The following TMEM178B variants were observed in gnomAD, a reference collection of about 807,000 sequenced individuals.
TMEM178B encodes transmembrane protein 178B.
In TMEM178B, 5 loss-of-function variants were observed where a neutral mutation model predicts 31.0. The ratio of observed to expected loss-of-function variants is 0.16; its 90% confidence interval spans 0.08 to 0.34. The LOEUF is 0.34. Ranked by LOEUF, TMEM178B falls within the 10% of genes least tolerant of loss-of-function variation. The pLI, the probability that TMEM178B is intolerant of heterozygous loss-of-function variation, is 1.00. For missense variants in TMEM178B, 275 were observed against 400.3 expected, an observed-to-expected ratio of 0.69 and a Z score of 2.67; for synonymous variants, 164 against 164.0, an observed-to-expected ratio of 1.00 and a Z score of 0.00.
chr7:141,245,255 G>A (rs1199473503), intron 2 of TMEM178B, among the ~76,000 whole-genome samples: 1 of 138,324 alleles, frequency 7.2e-6, no homozygotes, highest in Non-Finnish European at 1.5e-5. Flanking sequence ...GAAACATCAT[G>A]TTAAGGGGCC....
chr7:141,227,496 T>C (rs752233423), intron 2 of TMEM178B, among the ~76,000 whole-genome samples: 2 of 152,198 alleles, frequency 1.3e-5, no homozygotes, highest in African/African-American at 2.4e-5. Flanking sequence ...GTGAATATTA[T>C]TATTATATCT....
chr7:141,344,582 T>TCCTC lies in TMEM178B; in HGVS notation c.497-93023_497-93022insCCCT, dbSNP rs1219566633. Among the ~76,000 whole-genome samples the TCCTC allele has an allele frequency of 8.7e-5, 7 of 80,870 alleles. No individual in the cohort carries two copies. The highest frequency in any genetic ancestry group is 4.0e-4 in the South Asian group (1 of 2,526). 53.1% of individuals were successfully genotyped at this position (80,870 alleles called of 152,430 possible). A position where few individuals can be genotyped will look rare whatever the true frequency, so the allele number is the denominator to read the frequency against. On this transcript the variant is annotated intron_variant, in intron 2 of 3. Coordinates refer to ENST00000565468, the MANE Select transcript of TMEM178B (RefSeq NM_001195278.2). This position sits in a 1 kb window ranked among gnomAD's most constrained non-coding sequence, Gnocchi z 4.1. ...CTCCATTCCTCCCTCCTCCCTTCCT[T>TCCTC]CCTTCCTTCCTTCCTTCCTTCCTTC...
intron 2 of TMEM178B, among the ~76,000 whole-genome samples, chr7:141,296,525 C>G (rs1005250619): frequency 6.6e-6 from 1 of 152,120 alleles, no homozygotes; most frequent in East Asian, 1.9e-4. Context: ...TGCAGAAAGC[C>G]CTGGTCTAGA....
chr7:141,223,478 T>C (rs1402250291), intron 2 of TMEM178B, among the ~76,000 whole-genome samples: 1 of 127,644 alleles, frequency 7.8e-6, no homozygotes, highest in Non-Finnish European at 1.7e-5. Flanking sequence ...CTGTTTTCAC[T>C]CTTTTTTTTT....
the TMEM178B span, among the ~76,000 whole-genome samples, chr7:141,493,656 C>A: frequency 2.6e-5 from 4 of 152,210 alleles, no homozygotes; most frequent in African/African-American, 9.6e-5. Flanking sequence ...CCTTCCGCTG[C>A]CCTGACGTGA....
chr7:141,097,450 A>G lies in TMEM178B; in HGVS notation c.382+22758A>G, dbSNP rs138049243. Reference sequence around the variant, plus strand: ...ATACATGTTATAGTAATCTGTATGTATTTATAACAAGATTTGAAGAAATAA... The same window carrying G: ...ATACATGTTATAGTAATCTGTATGTGTTTATAACAAGATTTGAAGAAATAA... On this transcript the variant is annotated intron_variant, in intron 1 of 3. Coordinates refer to ENST00000565468, the MANE Select transcript of TMEM178B (RefSeq NM_001195278.2). Among the ~76,000 whole-genome samples the G allele has an allele frequency of 2.5e-3, 383 of 151,290 alleles. 4 individuals are homozygous for G. The highest frequency in any genetic ancestry group is 8.9e-3 in the African/African-American group (370 of 41,360).
At chr7:141,485,158 G>T (rs925581990), downstream of TMEM178B, among the ~76,000 whole-genome samples, 1 of 152,168 alleles carries the variant, frequency 6.6e-6, no homozygotes, top group African/African-American at 2.4e-5. Context: ...CAGGAGAGGA[G>T]CTTGCTTTTG....
chr7:141,191,077 T>C (rs1181981125), intron 1 of TMEM178B, among the ~76,000 whole-genome samples: 1 of 152,232 alleles, frequency 6.6e-6, no homozygotes, highest in African/African-American at 2.4e-5. Flanking sequence ...ATCATTTCGC[T>C]TAAAGCCAGT....
At position 141,171,659 on chromosome 7, in the gene TMEM178B, G is replaced by A. The variant is rs987216870; in HGVS notation, c.383-40932G>A. On this transcript the variant is annotated intron_variant, in intron 1 of 3. Coordinates refer to ENST00000565468, the MANE Select transcript of TMEM178B (RefSeq NM_001195278.2). This position sits in a 1 kb window ranked among gnomAD's most constrained non-coding sequence, Gnocchi z 4.3. ...ATGCATGCAAATTCCAGACAGAGGG[G>A]ATGGCTGTGGTGTCACAGCAGAGAG... Among the ~76,000 whole-genome samples the A allele has an allele frequency of 2.0e-5, 3 of 152,194 alleles. No homozygotes were observed. The highest frequency in any genetic ancestry group is 7.2e-5 in the African/African-American group (3 of 41,448).
At chr7:141,329,043 A>G (rs1799248307) in intron 2 of TMEM178B, among the ~76,000 whole-genome samples, 1 of 152,142 alleles carries the variant, frequency 6.6e-6, no homozygotes, top group African/African-American at 2.4e-5. Context: ...TCTTTAGATC[A>G]ATTGCCCTTA....
At chr7:141,132,740 G>A (rs562008949) in intron 1 of TMEM178B, among the ~76,000 whole-genome samples, 101 of 152,178 alleles carry the variant, frequency 6.6e-4, no homozygotes, top group Non-Finnish European at 6.2e-4. Context: ...CATTGCCACT[G>A]TAGGCACCCA....
intron 1 of TMEM178B, among the ~76,000 whole-genome samples, chr7:141,173,590 T>C (rs1308837163): frequency 1.3e-5 from 2 of 152,186 alleles, no homozygotes; most frequent in African/African-American, 4.8e-5. Flanking sequence ...ATAAATCAAA[T>C]TTAAGGTCAT....
At chr7:141,334,802 C>T (rs1333894966) in intron 2 of TMEM178B, among the ~76,000 whole-genome samples, 3 of 152,142 alleles carry the variant, frequency 2.0e-5, no homozygotes, top group African/African-American at 7.2e-5. Context: ...AGTGTCAGCT[C>T]CTTATCCAGG....
intron 2 of TMEM178B, among the ~76,000 whole-genome samples, chr7:141,302,175 C>T (rs766954247): frequency 1.3e-5 from 2 of 152,124 alleles, no homozygotes; most frequent in Non-Finnish European, 2.9e-5. Context: ...AACTACTAGT[C>T]TTTAATTTTA....
At chr7:141,400,718 A>G (rs1357136181) in intron 2 of TMEM178B, among the ~76,000 whole-genome samples, 1 of 152,222 alleles carries the variant, frequency 6.6e-6, no homozygotes, top group Non-Finnish European at 1.5e-5. Flanking sequence ...GGTTGTAGGA[A>G]TGGTCAAAGA....
chr7:141,124,928 C>CA (rs1169821104), intron 1 of TMEM178B, among the ~76,000 whole-genome samples: 2 of 152,144 alleles, frequency 1.3e-5, no homozygotes, highest in Non-Finnish European at 2.9e-5. Flanking sequence ...AATCAAAAGA[C>CA]AAAATTGTAA....
In TMEM178B at chr7:141,171,678, C is replaced by G. The variant is rs761698231; in HGVS notation, c.383-40913C>G. On this transcript the variant is annotated intron_variant, in intron 1 of 3. Transcript: ENST00000565468. The surrounding 1 kb of genome is among the most constrained non-coding windows in gnomAD (Gnocchi z 4.3). ...AGAGGGGATGGCTGTGGTGTCACAG[C>G]AGAGAGCCAGCAGACAAAGACAGTG... 1.3e-5 allele frequency among the ~76,000 whole-genome samples: 2 copies of G among 152,160 alleles called. No homozygotes were observed. Among genetic ancestry groups the G allele is most frequent in the Non-Finnish European group, 2.9e-5 (2 of 68,026 alleles).
intron 1 of TMEM178B, among the ~76,000 whole-genome samples, chr7:141,099,075 G>C (rs140151723): frequency 6.6e-6 from 1 of 152,212 alleles, no homozygotes; most frequent in Non-Finnish European, 1.5e-5. Flanking sequence ...AACCAGGGCA[G>C]AATGGAATCT....
intron 2 of TMEM178B, among the ~76,000 whole-genome samples, chr7:141,420,833 T>A (rs891112694): frequency 6.6e-6 from 1 of 152,236 alleles, no homozygotes; most frequent in Admixed American, 6.5e-5. Context: ...TTGCACATTT[T>A]GCTCCATCTC....
Sources: allele counts gnomAD v4.1 joint callset (sites outside exome capture counted in the v4.1 genomes callset), GRCh38; gene constraint gnomAD v4.1.1; non-coding constraint Gnocchi (gnomAD v3.1); transcripts MANE v1.5; gene names NCBI Gene and HGNC (gene_info 2026-07-23, HGNC 2026-07-21).